MIPOL1: variants seen among roughly 807,000 people sequenced by gnomAD.
MIPOL1 encodes mirror-image polydactyly gene 1 protein.
In MIPOL1, 57 loss-of-function variants were observed where a neutral mutation model predicts 60.9. That is an observed-to-expected ratio of 0.94 (90% CI 0.76 to 1.17). The LOEUF (loss-of-function observed/expected upper bound fraction) is 1.17, where lower values mean the gene tolerates loss of function less well. Ranked by LOEUF, MIPOL1 falls within the 50% of genes most tolerant of loss-of-function variation. MIPOL1 has a pLI of 0.00. For missense variants in MIPOL1, 551 were observed against 511.6 expected (o/e 1.08, Z -0.74); for synonymous variants, 179 against 168.8 (o/e 1.06, Z -0.47).
intron 9 of MIPOL1, among the ~76,000 whole-genome samples, chr14:37,332,865 C>T (rs527888865): frequency 5.3e-5 from 8 of 152,200 alleles, no homozygotes; most frequent in Non-Finnish European, 8.8e-5. Flanking sequence ...ACGAAAAATA[C>T]GTGAGAACTG....
chr14:37,241,886 T>C (rs1419253058), intron 1 of MIPOL1, among the ~76,000 whole-genome samples: 2 of 152,204 alleles, frequency 1.3e-5, no homozygotes, highest in African/African-American at 2.4e-5. Context: ...TTTGAACTTC[T>C]CTATTCCAAG....
chr14:37,318,653 TG>T (rs2088197967), intron 9 of MIPOL1, among the ~76,000 whole-genome samples: 1 of 16,232 alleles, frequency 6.2e-5, no homozygotes, highest in Admixed American at 1.3e-3. Flanking sequence ...AGGAAAAAAT[TG>T]CCCCCAAGCT....
intron 11 of MIPOL1, among the ~76,000 whole-genome samples, chr14:37,449,270 G>A (rs187458057): frequency 5.6e-4 from 85 of 151,898 alleles, no homozygotes; most frequent in African/African-American, 1.9e-3. Flanking sequence ...GAAATCTTTG[G>A]CAGAGACAGT....
chr14:37,243,678 C>T (rs1459628969), intron 1 of MIPOL1, among the ~76,000 whole-genome samples: 1 of 152,024 alleles, frequency 6.6e-6, no homozygotes, highest in Non-Finnish European at 1.5e-5. Flanking sequence ...TAAAGTGTGG[C>T]TTTTGTGGAG....
intron 11 of MIPOL1, among the ~76,000 whole-genome samples, chr14:37,444,596 G>T (rs534882716): frequency 4.5e-4 from 68 of 152,238 alleles, no homozygotes; most frequent in African/African-American, 1.6e-3. Context: ...ACAGTTGGAG[G>T]AATACCTGAT....
chr14:37,396,029 T>TAC (rs2093365348), intron 10 of MIPOL1, among the ~76,000 whole-genome samples: 1 of 152,154 alleles, frequency 6.6e-6, no homozygotes, highest in South Asian at 2.1e-4. Context: ...AGATGTGAGG[T>TAC]ACCATTGCAT....
intron 12 of MIPOL1, among the ~76,000 whole-genome samples, chr14:37,539,612 C>T (rs563666816): frequency 1.3e-5 from 2 of 152,022 alleles, no homozygotes; most frequent in East Asian, 1.9e-4. Flanking sequence ...CAAAGCCCTT[C>T]GAGGACTGGA....
intron 11 of MIPOL1, among the ~76,000 whole-genome samples, chr14:37,483,704 T>G (rs2094907842): frequency 6.6e-6 from 1 of 152,032 alleles, no homozygotes; most frequent in Non-Finnish European, 1.5e-5. Flanking sequence ...GGCATGACTG[T>G]AGCTCACTGC....
chr14:37,532,579 A>G (rs1347388798), intron 12 of MIPOL1, among the ~76,000 whole-genome samples: 4 of 152,236 alleles, frequency 2.6e-5, no homozygotes, highest in Admixed American at 6.5e-5. Context: ...AGTCTTACTA[A>G]GAGAATAGTC....
At chr14:37,349,853 G>A (rs2091222780) in intron 9 of MIPOL1, among the ~76,000 whole-genome samples, 1 of 152,164 alleles carries the variant, frequency 6.6e-6, no homozygotes, top group Non-Finnish European at 1.5e-5. Flanking sequence ...GCCATATACA[G>A]CTGCCTGGAA....
intron 12 of MIPOL1, among the ~76,000 whole-genome samples, chr14:37,546,571 A>C (rs2095548304): frequency 6.6e-6 from 1 of 152,194 alleles, no homozygotes; most frequent in Non-Finnish European, 1.5e-5. Flanking sequence ...TTCTACATTT[A>C]ATATGTGATC....
At position 37,547,229 on chromosome 14, in the gene MIPOL1, A is replaced by G; in HGVS notation, c.*258A>G. 1 of 397,450 alleles carries G rather than the reference A, an allele frequency of 2.5e-6. No individual in the cohort carries two copies. Among genetic ancestry groups the G allele is most frequent in the Non-Finnish European group, 4.5e-6 (1 of 222,552 alleles). The allele number at this position is 397,450 out of a possible 1,614,324, so 24.6% of individuals were successfully genotyped here. On this transcript the variant is annotated 3_prime_UTR_variant, in exon 13 of 13. Transcript: ENST00000684589. ...TAAGGTTACAGCTTATTTTGTAACT[A>G]TTTTATATCTCAATATCTTTAATAT...
chr14:37,447,741 C>T (rs2094358522), intron 11 of MIPOL1, among the ~76,000 whole-genome samples: 1 of 152,084 alleles, frequency 6.6e-6, no homozygotes, highest in Non-Finnish European at 1.5e-5. Context: ...ATTTTACTCC[C>T]ACTGGCAGCT....
intron 7 of MIPOL1, among the ~76,000 whole-genome samples, chr14:37,286,229 A>AT (rs1247149521): frequency 1.3e-5 from 2 of 152,248 alleles, no homozygotes; most frequent in Admixed American, 6.5e-5. Context: ...AAGAATCTAC[A>AT]TTTTTTAAAG....
chr14:37,391,959 T>C (rs895597090), intron 10 of MIPOL1, among the ~76,000 whole-genome samples: 1 of 152,092 alleles, frequency 6.6e-6, no homozygotes, highest in Non-Finnish European at 1.5e-5. Flanking sequence ...AGGATATACT[T>C]AAATAGTCTA....
At chr14:37,214,951 G>A (rs148182581) in intron 1 of MIPOL1, among the ~76,000 whole-genome samples, 214 of 152,058 alleles carry the variant, frequency 1.4e-3, no homozygotes, top group African/African-American at 4.8e-3. Flanking sequence ...CATCAGTCAG[G>A]CCCACCCGCA....
At chr14:37,219,527 C>T (rs2139474122) in intron 1 of MIPOL1, 1 of 152,220 alleles carries the variant, frequency 6.6e-6, no homozygotes, top group South Asian at 2.1e-4. Context: ...ACCATGCCTG[C>T]CTAAAATTTT....
At chr14:37,328,848 A>G (rs2089431206) in intron 9 of MIPOL1, among the ~76,000 whole-genome samples, 1 of 152,226 alleles carries the variant, frequency 6.6e-6, no homozygotes, top group Non-Finnish European at 1.5e-5. Flanking sequence ...GAGAAGGAGC[A>G]TGCTCAGTTA....
intron 10 of MIPOL1, among the ~76,000 whole-genome samples, chr14:37,390,166 C>T (rs966331404): frequency 2.0e-5 from 3 of 151,896 alleles, no homozygotes; most frequent in African/African-American, 7.3e-5. Context: ...TTGCAGTGAG[C>T]CAAGTTTGCA....
Sources: gnomAD v4.1 joint callset for allele counts (sites outside exome capture counted in the v4.1 genomes callset) on GRCh38, gnomAD v4.1.1 for gene constraint, MANE v1.5 for transcripts, NCBI Gene and HGNC (gene_info 2026-07-23, HGNC 2026-07-21) for gene names.